Variants in ERMAP observed in about 807,000 individuals in gnomAD.
ERMAP encodes erythroblast membrane associated protein (Scianna blood group).
A neutral mutation model predicts 49.5 loss-of-function variants in ERMAP; 34 were observed. The observed-to-expected ratio is 0.69, with a 90% confidence interval of 0.52 to 0.91. The LOEUF is 0.91. Ranked by LOEUF, ERMAP falls within the 40% of genes least tolerant of loss-of-function variation. The pLI is 0.00. For synonymous variants in ERMAP, 214 were observed against 232.2 expected (o/e 0.92, Z 0.71); for missense variants, 541 against 582.6 (o/e 0.93, Z 0.74).
intron 1 of ERMAP, 155 bp downstream of exon 1, chr1:42,817,408 T>C (rs966748466): frequency 1.5e-5 from 5 of 344,234 alleles, no homozygotes; most frequent in African/African-American, 4.6e-5. Flanking sequence ...AGAGGATGGC[T>C]GGAAACCCGC....
chr1:42,824,198 A>C (rs1234745663), intron 1 of ERMAP, among the ~76,000 whole-genome samples: 1 of 151,786 alleles, frequency 6.6e-6, no homozygotes, highest in Admixed American at 6.6e-5. Flanking sequence ...CAAAAAAAAA[A>C]ATAGCTGGGC....
In ERMAP at chr1:42,835,161, A is replaced by C; in HGVS notation, c.550+7A>C. On this transcript the variant is annotated splice_region_variant and intron_variant, in intron 5 of 11. Transcript: ENST00000372517. The stretch of plus-strand genomic sequence containing the variant: ...AAGCAAAGAAGAGCAAAAGGTAATT[A>C]AATGGTAAGGGAGCTCAGGCTGGTG... 1 of 1,170,186 alleles carries C rather than the reference A, an allele frequency of 8.5e-7. No individual in the cohort carries two copies. The highest frequency in any genetic ancestry group is 1.2e-5 in the South Asian group (1 of 82,178). The allele number at this position is 1,170,186 out of a possible 1,614,324, so 72.5% of individuals were successfully genotyped here.
In ERMAP at chr1:42,837,204, A is replaced by G. The variant is rs750190910; in HGVS notation, c.616+14A>G. ...CTAAAGAAAAAGGTAATGATATAAA[A>G]GAGTAAGGGGTAGGGAACAAAAAAC... On this transcript the variant is annotated intron_variant, in intron 7 of 11. Transcript: ENST00000372517. 3.1e-6 allele frequency: 5 copies of G among 1,612,796 alleles called. No homozygotes were observed. The Admixed American group carries it at 6.7e-5, about 21-fold the overall frequency.
At position 42,835,741 on chromosome 1, in the gene ERMAP, T is replaced by C. The variant is rs1331533048; in HGVS notation, c.560T>C (p.Leu187Pro). 13 of 1,610,842 alleles carry C rather than the reference T, an allele frequency of 8.1e-6. No individual in the cohort carries two copies. The highest frequency in any genetic ancestry group is 1.1e-5 in the Non-Finnish European group (13 of 1,178,700). The change falls in exon 6 of 12, where the codon CTC becomes CCC. Residue 187 changes from leucine to proline, a missense_variant. Transcript: ENST00000372517. ...TCTCTCTCCCTTTTAGAAAAGCTTC[T>C]CTATGAACATGTGACGGAGGTGGGT... ...WKQRRAKEKL[L>P]YEHVTEVDNL...
Position 42,830,485 on chromosome 1 carries a change from G to A in ERMAP, c.37G>A (p.Gly13Ser), listed in dbSNP as rs371361533. The change falls in exon 3 of 12, where the codon GGC becomes AGC. Residue 13 changes from glycine to serine, a missense_variant. Coordinates refer to ENST00000372517, the MANE Select transcript of ERMAP (RefSeq NM_001017922.2). The part of the protein sequence containing the change: ...MASSAGSWLS[G>S]CLIPLVFLRL... ...GAGTTCTGCTGGCTCCTGGCTCTCT[G>A]GCTGCCTCATCCCTCTCGTCTTCCT... 1 of 1,614,044 alleles carries A rather than the reference G, an allele frequency of 6.2e-7. No homozygotes were observed. Among genetic ancestry groups the A allele is most frequent in the African/African-American group, 1.3e-5 (1 of 74,908 alleles).
Position 42,842,663 on chromosome 1 carries a change from T to G in ERMAP, c.859T>G (p.Tyr287Asp). 1 of 1,614,128 alleles carries G rather than the reference T, an allele frequency of 6.2e-7. No individual in the cohort carries two copies. The highest frequency in any genetic ancestry group is 8.5e-7 in the Non-Finnish European group (1 of 1,180,010). Residue 287 changes from tyrosine to aspartate, a missense_variant, in exon 12 of 12, where the codon TAC (tyrosine) becomes GAC (aspartate). By Grantham distance (160) the Tyr-to-Asp change is radical. Coordinates refer to ENST00000372517, the MANE Select transcript of ERMAP (RefSeq NM_001017922.2). ...DFVVSILGSE[Y>D]FTTGCHYWEV... ...CGTTGTCAGCATCCTAGGCTCTGAGTACTTCACGACTGGCTGCCACTACTG... is the reference window on the plus strand; with the variant it reads ...CGTTGTCAGCATCCTAGGCTCTGAGGACTTCACGACTGGCTGCCACTACTG...
In ERMAP at chr1:42,837,189, A is replaced by G; in HGVS notation, c.615A>G (p.Lys205=). The change falls in exon 7 of 12, where the codon AAA becomes AAG. Residue 205 remains lysine, a splice_region_variant and synonymous_variant. Coordinates refer to ENST00000372517, the MANE Select transcript of ERMAP (RefSeq NM_001017922.2). ...TTCTTTCAGACCATGCTAAAGAAAA[A>G]GGTAATGATATAAAAGAGTAAGGGG... is the stretch of plus-strand genomic sequence containing the variant. ...DNLLSDHAKE[K]GKLHKAVKKL... is the part of the protein sequence containing the mutation. 1 of 1,613,594 alleles carries G rather than the reference A, an allele frequency of 6.2e-7. No homozygotes were observed. The highest frequency in any genetic ancestry group is 8.5e-7 in the Non-Finnish European group (1 of 1,179,544).
intron 4 of ERMAP, among the ~76,000 whole-genome samples, chr1:42,831,557 T>TG (rs1557609168): frequency 2.5e-4 from 11 of 44,136 alleles, no homozygotes; most frequent in Non-Finnish European, 4.0e-4. Context: ...GAGATAGTGT[T>TG]TTTTTTTTTT....
At chr1:42,822,648 T>G (rs953862317) in intron 1 of ERMAP, among the ~76,000 whole-genome samples, 3 of 152,212 alleles carry the variant, frequency 2.0e-5, no homozygotes, top group Non-Finnish European at 4.4e-5. Flanking sequence ...CTTCTTTATT[T>G]GAAACTACAT....
chr1:42,839,155 A>C, intron 8 of ERMAP: 1 of 629,022 alleles, frequency 1.6e-6, no homozygotes, highest in Non-Finnish European at 2.8e-6. Flanking sequence ...CCAGGAAGAG[A>C]TAGATGCATC....
chr1:42,835,766 T>G lies in ERMAP; in HGVS notation c.583+2T>G. On this transcript the variant is annotated splice_donor_variant, in intron 6 of 11. Coordinates refer to ENST00000372517, the MANE Select transcript of ERMAP (RefSeq NM_001017922.2). LOFTEE classifies it high-confidence loss of function. ...TCTATGAACATGTGACGGAGGTGGGTAAGTGTTCTTGGCTGGGGGGCAGGG... is the reference window on the plus strand; with the variant it reads ...TCTATGAACATGTGACGGAGGTGGGGAAGTGTTCTTGGCTGGGGGGCAGGG... 1 of 1,609,604 alleles carries G rather than the reference T, an allele frequency of 6.2e-7. No individual in the cohort carries two copies. Among genetic ancestry groups the G allele is most frequent in the South Asian group, 1.1e-5 (1 of 89,604 alleles).
At chr1:42,824,773 G>C (rs1654495197) in intron 1 of ERMAP, 1 of 152,296 alleles carries the variant, frequency 6.6e-6, no homozygotes, top group African/African-American at 2.4e-5. Flanking sequence ...GGAGCATTTT[G>C]TCTTGACTCC....
chr1:42,842,936 T>TC lies in ERMAP; in HGVS notation c.1135dup (p.His379ProfsTer18), dbSNP rs749357227. ...CTCTTTCTACAATGTGACCAACAAG[T>TC]CCCACATCTTTACTTTCACCCACAA... is the stretch of plus-strand genomic sequence containing the variant. On this transcript the variant is annotated frameshift_variant, in exon 12 of 12. Coordinates refer to ENST00000372517, the MANE Select transcript of ERMAP (RefSeq NM_001017922.2). LOFTEE classifies it high-confidence loss of function. 1 of 1,614,188 alleles carries TC rather than the reference T, an allele frequency of 6.2e-7. No homozygotes were observed.
In ERMAP at chr1:42,819,200, TGTGTGTGC is replaced by T. The variant is rs1268281543; in HGVS notation, c.-122+1949_-122+1956del. Among the ~76,000 whole-genome samples the T allele has an allele frequency of 6.1e-3, 862 of 142,458 alleles. 5 individuals are homozygous for T. The highest frequency in any genetic ancestry group is 7.6e-3 in the Non-Finnish European group (488 of 64,374). The allele number at this position is 142,458 out of a possible 152,430, so 93.5% of individuals were successfully genotyped here. A position where few individuals can be genotyped will look rare whatever the true frequency, so the allele number is the denominator to read the frequency against. On this transcript the variant is annotated intron_variant, in intron 1 of 11. Transcript: ENST00000372517. The surrounding 1 kb of genome is among the most constrained non-coding windows in gnomAD (Gnocchi z 5.1). Reference sequence around the variant, plus strand: ...GTGTGTGTGTGTGTGTGTGTGTGTGTGTGTGTGCGCGCGCGCAAGAGAGGGACCGAGAG... The same window carrying T: ...GTGTGTGTGTGTGTGTGTGTGTGTGTGCGCGCGCAAGAGAGGGACCGAGAG...
At chr1:42,842,307 TC>T (rs766089632) in intron 11 of ERMAP, among the ~76,000 whole-genome samples, 1 of 152,196 alleles carries the variant, frequency 6.6e-6, no homozygotes, top group Non-Finnish European at 1.5e-5. Context: ...AAGAACTTTT[TC>T]TTCTATTACT....
Position 42,842,682 on chromosome 1 carries a change from A to T in ERMAP, c.878A>T (p.His293Leu). The T allele has an allele frequency of 6.2e-7, 1 of 1,614,210 alleles. No individual in the cohort carries two copies. The highest frequency in any genetic ancestry group is 8.5e-7 in the Non-Finnish European group (1 of 1,180,026). The change falls in exon 12 of 12, where the codon CAC becomes CTC. Residue 293 changes from histidine to leucine, a missense_variant. By Grantham distance (99) the His-to-Leu change is moderately conservative. Transcript: ENST00000372517. ...LGSEYFTTGC[H>L]YWEVYVGDKT... ...TCTGAGTACTTCACGACTGGCTGCCACTACTGGGAGGTGTATGTGGGAGAC... is the reference window on the plus strand; with the variant it reads ...TCTGAGTACTTCACGACTGGCTGCCTCTACTGGGAGGTGTATGTGGGAGAC...
At chr1:42,838,503 C>A (rs11210728) in intron 7 of ERMAP, among the ~76,000 whole-genome samples, 149,467 of 152,324 alleles carry the variant, frequency 0.98, 73,382 homozygotes, top group East Asian at 1. Flanking sequence ...GAGAATAATA[C>A]AGCCATATTA....
intron 2 of ERMAP, chr1:42,830,089 G>T (rs567274075): frequency 4.8e-6 from 1 of 208,106 alleles, no homozygotes; most frequent in South Asian, 9.6e-5. Context: ...TCCTTGGTTA[G>T]TTCTGGGTAT....
intron 5 of ERMAP, 34 bp downstream of exon 5, chr1:42,835,188 G>A (rs368114165): frequency 2.2e-6 from 2 of 896,912 alleles, no homozygotes; most frequent in East Asian, 4.8e-5. Flanking sequence ...AGGCTGGTGG[G>A]AAGTGGGACT....
Sources: allele counts gnomAD v4.1 joint callset (sites outside exome capture counted in the v4.1 genomes callset), GRCh38; gene constraint gnomAD v4.1.1; non-coding constraint Gnocchi (gnomAD v3.1); transcripts MANE v1.5; gene names NCBI Gene and HGNC (gene_info 2026-07-23, HGNC 2026-07-21).